Variants in JADE2 observed in about 807,000 individuals in gnomAD.
JADE2 encodes the protein E3 ubiquitin-protein ligase Jade-2.
A neutral mutation model predicts 85.7 loss-of-function variants in JADE2; 13 were observed. That is an observed-to-expected ratio of 0.15 (90% confidence interval 0.10 to 0.24). The LOEUF is 0.24. Ranked by LOEUF, JADE2 falls within the 10% of genes least tolerant of loss-of-function variation. JADE2 has a pLI of 1.00. For synonymous variants in JADE2, 440 were observed against 456.1 expected, an observed-to-expected ratio of 0.96 and a Z score of 0.45; for missense variants, 846 against 1,115.9, an observed-to-expected ratio of 0.76 and a Z score of 3.45.
intron 9 of JADE2, among the ~76,000 whole-genome samples, chr5:134,571,456 T>C (rs954122062): frequency 6.6e-6 from 1 of 152,156 alleles, no homozygotes; most frequent in Non-Finnish European, 1.5e-5. Flanking sequence ...CCCAGAACTT[T>C]GGGAGGCCAA....
chr5:134,563,680 G>A (rs1014777223), intron 7 of JADE2, among the ~76,000 whole-genome samples: 2 of 152,194 alleles, frequency 1.3e-5, no homozygotes, highest in African/African-American at 2.4e-5. Context: ...CCCACAATGC[G>A]GGCTTCTGTG....
chr5:134,553,287 G>A (rs190413270), intron 4 of JADE2, among the ~76,000 whole-genome samples: 23 of 151,870 alleles, frequency 1.5e-4, no homozygotes, highest in Non-Finnish European at 2.8e-4. Context: ...CAGTTCTGAT[G>A]AGGGAAATCT....
intron 3 of JADE2, 45 bp downstream of exon 3, chr5:134,538,128 G>A (rs1442192176): frequency 1.4e-6 from 2 of 1,469,530 alleles, no homozygotes; most frequent in African/African-American, 1.4e-5. Flanking sequence ...GAGTGAGAGT[G>A]AGCTGCCCTG....
chr5:134,539,043 T>TTTATTTATTTA (rs1554124816), intron 3 of JADE2, among the ~76,000 whole-genome samples: 4 of 134,378 alleles, frequency 3.0e-5, no homozygotes, highest in South Asian at 2.5e-4. Flanking sequence ...TTTATTTTTA[T>TTTATTTATTTA]TTTATTTATT....
At chr5:134,554,675 G>A (rs57419530) in intron 4 of JADE2, among the ~76,000 whole-genome samples, 2,589 of 152,186 alleles carry the variant, frequency 0.017, 66 homozygotes, top group African/African-American at 0.059. Context: ...TGGCCTGTCC[G>A]TGATCTTTGG....
chr5:134,561,511 C>G (rs1444004639), intron 6 of JADE2, among the ~76,000 whole-genome samples: 1 of 151,856 alleles, frequency 6.6e-6, no homozygotes, highest in Non-Finnish European at 1.5e-5. Context: ...TGCAGCCTGG[C>G]CAGGCTCCCC....
chr5:134,532,424 C>G (rs918516564), intron 1 of JADE2, among the ~76,000 whole-genome samples: 1 of 152,088 alleles, frequency 6.6e-6, no homozygotes, highest in Non-Finnish European at 1.5e-5. Flanking sequence ...CTCTACGACA[C>G]CCACACTTTG....
chr5:134,566,556 C>T lies in JADE2; in HGVS notation c.1410C>T (p.Thr470=). Residue 470 remains threonine (T), a synonymous_variant, in exon 9 of 12, where the codon ACC becomes ACT. Transcript: ENST00000681547. The surrounding 1 kb of genome is among the most constrained non-coding windows in gnomAD (Gnocchi z 6.7). ...TCTACCGCCGCCTGAAGCTCTTCAC[C>T]CATCTGCGGCAGGACCTAGAGAGGG... The part of the protein sequence containing the change: ...DVLYRRLKLF[T]HLRQDLERVR... 1.3e-6 allele frequency: 2 copies of T among 1,568,394 alleles called. No individual in the cohort carries two copies. The highest frequency in any genetic ancestry group is 1.2e-5 in the South Asian group (1 of 86,052).
intron 1 of JADE2, among the ~76,000 whole-genome samples, chr5:134,531,271 G>C (rs1260075909): frequency 6.6e-6 from 1 of 152,168 alleles, no homozygotes; most frequent in African/African-American, 2.4e-5. Context: ...ATGGCTAGAA[G>C]GTGGTGAGGA....
intron 11 of JADE2, chr5:134,577,188 C>T: frequency 2.8e-6 from 1 of 357,246 alleles, no homozygotes. Flanking sequence ...GTCCTGGGTG[C>T]TGGATTTTCC....
intron 8 of JADE2, 22 bp downstream of exon 8, chr5:134,564,632 C>T (rs1228375583): frequency 1.6e-5 from 24 of 1,470,164 alleles, no homozygotes; most frequent in Middle Eastern, 3.5e-4. Flanking sequence ...ACTTCACCTC[C>T]TGCTGCCAGG....
Position 134,560,816 on chromosome 5 carries a change from T to A in JADE2, c.543T>A (p.Asn181Lys). The change falls in exon 6 of 12, where the codon AAT (asparagine) becomes AAA (lysine). Residue 181 changes from asparagine (N) to lysine (K), a missense_variant. Physicochemically the swap from Asn to Lys is moderately conservative, Grantham distance 94 (BLOSUM62 0). Coordinates refer to ENST00000681547, the MANE Select transcript of JADE2 (RefSeq NM_001388185.1). ...LEELETLCHQ[N>K]MARAIETQEG... is the part of the protein sequence containing the mutation. ...AGCTGGAGACCCTGTGCCACCAGAA[T>A]ATGGCCAGGGCCATTGAGACGCAGG... The A allele has an allele frequency of 6.2e-7, 1 of 1,614,206 alleles. No homozygotes were observed. Among genetic ancestry groups the A allele is most frequent in the South Asian group, 1.1e-5 (1 of 91,078 alleles).
At chr5:134,550,334 C>T (rs1290668808) in intron 3 of JADE2, among the ~76,000 whole-genome samples, 1 of 152,216 alleles carries the variant, frequency 6.6e-6, no homozygotes, top group Non-Finnish European at 1.5e-5. Flanking sequence ...CCAGGCCCCT[C>T]AGTCCATCCA....
intron 3 of JADE2, among the ~76,000 whole-genome samples, chr5:134,539,246 G>T (rs1761811408): frequency 1.3e-5 from 2 of 151,990 alleles, no homozygotes; most frequent in Non-Finnish European, 2.9e-5. Context: ...TATTTTTTTA[G>T]TAGAGACGGG....
chr5:134,547,219 A>C (rs780535218), intron 3 of JADE2, among the ~76,000 whole-genome samples: 3 of 152,230 alleles, frequency 2.0e-5, no homozygotes, highest in Non-Finnish European at 4.4e-5. Context: ...GCGTCCCTAC[A>C]TCTGGGCAGA....
At chr5:134,565,555 C>A (rs568700509) in intron 8 of JADE2, among the ~76,000 whole-genome samples, 2 of 152,286 alleles carry the variant, frequency 1.3e-5, no homozygotes, top group South Asian at 4.1e-4. Context: ...CACAAAAATG[C>A]AGCTTGAGGC....
At chr5:134,532,887 G>A (rs1470192000) in intron 1 of JADE2, among the ~76,000 whole-genome samples, 1 of 152,166 alleles carries the variant, frequency 6.6e-6, no homozygotes, top group Non-Finnish European at 1.5e-5. Flanking sequence ...TGGTTTAAAG[G>A]AAAGAAGCTG....
In JADE2 at chr5:134,559,780, C is replaced by T. The variant is rs370946545; in HGVS notation, c.312-50C>T. The T allele has an allele frequency of 4.2e-4, 662 of 1,564,310 alleles. 4 individuals are homozygous for T. Among genetic ancestry groups the T allele is most frequent in the Middle Eastern group, 9.0e-4 (4 of 4,434 alleles). ...GGTCAGCTCCCTGGAGCCCCTATGG[C>T]GGCAGGCTGAGGGCCCCTCCCTTCA... On this transcript the variant is annotated intron_variant, in intron 4 of 11. Coordinates refer to ENST00000681547, the MANE Select transcript of JADE2 (RefSeq NM_001388185.1).
intron 9 of JADE2, among the ~76,000 whole-genome samples, chr5:134,569,148 G>T (rs955928023): frequency 2.0e-5 from 3 of 152,248 alleles, no homozygotes; most frequent in Admixed American, 6.5e-5. Context: ...ACAAAGCTTA[G>T]CACAGTGCCC....
Sources: allele counts gnomAD v4.1 joint callset (sites outside exome capture counted in the v4.1 genomes callset), GRCh38; gene constraint gnomAD v4.1.1; non-coding constraint Gnocchi (gnomAD v3.1); transcripts MANE v1.5; gene names NCBI Gene and HGNC (gene_info 2026-07-23, HGNC 2026-07-21).